USH2A: variants seen among roughly 807,000 people sequenced by gnomAD.
USH2A encodes the protein usherin, also known as Usher syndrome 2A (autosomal recessive, mild).
In USH2A, 443 loss-of-function variants were observed where a neutral mutation model predicts 538.9. The observed-to-expected ratio is 0.82, with a 90% CI of 0.76 to 0.89. The LOEUF (loss-of-function observed/expected upper bound fraction) is 0.89, where lower values mean the gene tolerates loss of function less well. Among genes scored for constraint, USH2A ranks in the 40% least tolerant of loss-of-function variants. The pLI is 0.00. For synonymous variants in USH2A, 2,413 were observed against 2,273.5 expected (o/e 1.06, Z -1.75); for missense variants, 6,633 against 6,324.8 (o/e 1.05, Z -1.65).
At chr1:216,066,642 A>G (rs1310269506) in intron 30 of USH2A, among the ~76,000 whole-genome samples, 1 of 152,074 alleles carries the variant, frequency 6.6e-6, no homozygotes, top group African/African-American at 2.4e-5. Context: ...TTTAATCCCC[A>G]CAGCTGCCCT....
intron 34 of USH2A, among the ~76,000 whole-genome samples, chr1:215,996,935 C>T (rs148434343): frequency 4.0e-4 from 61 of 152,200 alleles, no homozygotes; most frequent in African/African-American, 1.4e-3. Flanking sequence ...CCAAATGCTG[C>T]TTAAAGGCTT....
chr1:216,399,817 C>G (rs368422216), intron 3 of USH2A, among the ~76,000 whole-genome samples: 1 of 152,150 alleles, frequency 6.6e-6, no homozygotes, highest in Non-Finnish European at 1.5e-5. Flanking sequence ...CCCTACCCAT[C>G]TGCTGCAGTG....
At chr1:215,633,074 A>G (rs982455131) in intron 70 of USH2A, among the ~76,000 whole-genome samples, 2 of 152,212 alleles carry the variant, frequency 1.3e-5, no homozygotes, top group African/African-American at 4.8e-5. Flanking sequence ...TATGTGGTAA[A>G]TGCTATAGAA....
intron 20 of USH2A, among the ~76,000 whole-genome samples, chr1:216,185,741 A>G (rs2034586305): frequency 6.6e-6 from 1 of 151,966 alleles, no homozygotes; most frequent in Admixed American, 6.6e-5. Context: ...ATTCTAAAGA[A>G]CTGGCTTTAT....
At chr1:215,843,291 TA>T (rs1558123618) in intron 46 of USH2A, among the ~76,000 whole-genome samples, 1 of 152,198 alleles carries the variant, frequency 6.6e-6, no homozygotes, top group Non-Finnish European at 1.5e-5. Context: ...CATAGTTTAT[TA>T]AAAAATTTTG....
At chr1:215,712,714 T>C (rs749409809) in intron 61 of USH2A, among the ~76,000 whole-genome samples, 14 of 152,182 alleles carry the variant, frequency 9.2e-5, no homozygotes, top group Non-Finnish European at 1.3e-4. Context: ...AGTGAAGAAA[T>C]CCATACTTTT....
chr1:216,242,275 G>A (rs1479474692), intron 13 of USH2A, among the ~76,000 whole-genome samples: 1 of 151,452 alleles, frequency 6.6e-6, no homozygotes, highest in Non-Finnish European at 1.5e-5. Context: ...ATGAACCTGG[G>A]AGGCAGAGCT....
intron 20 of USH2A, 55 bp downstream of exon 20, chr1:216,190,168 A>C: frequency 2.5e-6 from 4 of 1,607,312 alleles, no homozygotes; most frequent in Non-Finnish European, 3.4e-6. Context: ...TGAATATTAT[A>C]AGTTTTTTTT....
chr1:215,752,885 G>A (rs1660669061), intron 58 of USH2A, among the ~76,000 whole-genome samples: 2 of 152,108 alleles, frequency 1.3e-5, no homozygotes, highest in African/African-American at 4.8e-5. Flanking sequence ...CCTACAGAAT[G>A]GAAGAAAATT....
In USH2A at chr1:216,078,074, C is replaced by T. The variant is rs17026052; in HGVS notation, c.5572+15G>A. On this transcript the variant is annotated intron_variant, in intron 27 of 71. Coordinates refer to ENST00000307340, the MANE Select transcript of USH2A (RefSeq NM_206933.4). Reference sequence around the variant, plus strand: ...GGGCTGTATGGATTTGTGAATTCCTCCAGATGGAACTTACCTTGTTCCAAA... The same window carrying T: ...GGGCTGTATGGATTTGTGAATTCCTTCAGATGGAACTTACCTTGTTCCAAA... 2.1e-3 allele frequency: 3,338 copies of T among 1,613,358 alleles called. 62 individuals carry two copies. The African/African-American group carries it at 0.04, about 19-fold the overall frequency.
At chr1:216,023,389 T>C (rs931471975) in intron 32 of USH2A, among the ~76,000 whole-genome samples, 32 of 146,782 alleles carry the variant, frequency 2.2e-4, no homozygotes, top group African/African-American at 7.4e-4. Context: ...TTTGGGTCTC[T>C]TTCTCCCTTT....
chr1:215,685,067 G>A (rs185231021), intron 61 of USH2A, among the ~76,000 whole-genome samples: 13 of 152,200 alleles, frequency 8.5e-5, no homozygotes, highest in Non-Finnish European at 1.8e-4. Flanking sequence ...CAAATAAAAT[G>A]TGAGAAGCAG....
chr1:215,962,138 T>C (rs896062045), intron 37 of USH2A, among the ~76,000 whole-genome samples: 3 of 151,988 alleles, frequency 2.0e-5, no homozygotes, highest in Admixed American at 6.6e-5. Flanking sequence ...ACATATCGAA[T>C]TGGCAAAGAT....
At chr1:216,311,541 C>T (rs1324526110) in intron 9 of USH2A, among the ~76,000 whole-genome samples, 2 of 152,048 alleles carry the variant, frequency 1.3e-5, no homozygotes, top group Admixed American at 1.3e-4. Context: ...GTGATAATCT[C>T]AGCAATGTAT....
chr1:216,242,052 G>C (rs1471007186), intron 13 of USH2A, among the ~76,000 whole-genome samples: 1 of 151,934 alleles, frequency 6.6e-6, no homozygotes, highest in African/African-American at 2.4e-5. Flanking sequence ...ATATCTTGAG[G>C]GCAAGGATTA....
chr1:216,276,772 A>G (rs2036678244), intron 11 of USH2A, among the ~76,000 whole-genome samples: 1 of 152,046 alleles, frequency 6.6e-6, no homozygotes, highest in Non-Finnish European at 1.5e-5. Flanking sequence ...GTAAACTCCC[A>G]TTTTTAAAAC....
At chr1:215,689,784 T>C (rs990731789) in intron 61 of USH2A, among the ~76,000 whole-genome samples, 1 of 152,144 alleles carries the variant, frequency 6.6e-6, no homozygotes, top group African/African-American at 2.4e-5. Context: ...ACAACTTGAA[T>C]GAGATTGGAA....
At chr1:215,949,200 C>A (rs79160337) in intron 37 of USH2A, among the ~76,000 whole-genome samples, 4,881 of 151,882 alleles carry the variant, frequency 0.032, 123 homozygotes, top group South Asian at 0.084. Flanking sequence ...AAATGAACAC[C>A]ATCACAAAAG....
chr1:215,680,323 G>A lies in USH2A; in HGVS notation c.12120C>T (p.Arg4040=), dbSNP rs1482023760. ...CATGGTTTGCAGCCACAACACCAAT[G>A]CGATATGTTGTGAATGGTTCTAACC... The part of the protein sequence containing the change: ...LYGLEPFTTY[R]IGVVAANHAG... The change falls in exon 62 of 72, where the codon CGC becomes CGT. Residue 4040 remains arginine, a synonymous_variant. Transcript: ENST00000307340. 1 of 1,614,058 alleles carries A rather than the reference G, an allele frequency of 6.2e-7. No homozygotes were observed. The highest frequency in any genetic ancestry group is 1.7e-5 in the Admixed American group (1 of 60,006).
Sources: allele counts gnomAD v4.1 joint callset (sites outside exome capture counted in the v4.1 genomes callset), GRCh38; gene constraint gnomAD v4.1.1; transcripts MANE v1.5; gene names NCBI Gene and HGNC (gene_info 2026-07-23, HGNC 2026-07-21).